Variants in ARID5B observed in about 807,000 individuals in gnomAD.
ARID5B encodes AT-rich interactive domain-containing protein 5B.
A neutral mutation model predicts 97.2 loss-of-function variants in ARID5B; 13 were observed. The ratio of observed to expected loss-of-function variants is 0.13; its 90% CI spans 0.09 to 0.21. The LOEUF is 0.21. ARID5B is among the 10% of genes least tolerant of loss of function. The pLI is 1.00. For missense variants in ARID5B, 1,210 were observed against 1,465.3 expected (o/e 0.83, Z 2.84); for synonymous variants, 556 against 570.3 (o/e 0.97, Z 0.36).
chr10:61,940,519 C>T lies in ARID5B; in HGVS notation c.502+111C>T, dbSNP rs867881600. The T allele has an allele frequency of 5.0e-5, 48 of 953,414 alleles. No homozygotes were observed. The Middle Eastern group carries it at 1.1e-3, about 22-fold the overall frequency. 59.1% of individuals were successfully genotyped at this position (953,414 alleles called of 1,614,324 possible). A position where few individuals can be genotyped will look rare whatever the true frequency, so the allele number is the denominator to read the frequency against. ...TTATATATAAATGTATTTCAAATTT[C>T]TTTAACCTCAAAGGGTCCTAAGAAT... On this transcript the variant is annotated intron_variant, in intron 3 of 9. Coordinates refer to ENST00000279873, the MANE Select transcript of ARID5B (RefSeq NM_032199.3).
At chr10:61,909,318 G>GTTTTTTGT (rs1843760092) in intron 2 of ARID5B, among the ~76,000 whole-genome samples, 1 of 77,260 alleles carries the variant, frequency 1.3e-5, no homozygotes, top group African/African-American at 5.2e-5. Context: ...TATTCAGTGA[G>GTTTTTTGT]TTTTTTTTTT....
chr10:62,027,999 TG>T (rs1839444149), intron 4 of ARID5B, among the ~76,000 whole-genome samples: 1 of 152,186 alleles, frequency 6.6e-6, no homozygotes, highest in African/African-American at 2.4e-5. Flanking sequence ...GCCTTGTCCC[TG>T]GTGTGCATCT....
At chr10:61,990,463 A>T (rs1485741444) in intron 3 of ARID5B, among the ~76,000 whole-genome samples, 1 of 152,236 alleles carries the variant, frequency 6.6e-6, no homozygotes, top group Non-Finnish European at 1.5e-5. Context: ...AGGAAGTGTC[A>T]TTGGTTCAGA....
At chr10:61,990,911 A>G (rs935589879) in intron 3 of ARID5B, among the ~76,000 whole-genome samples, 1 of 152,032 alleles carries the variant, frequency 6.6e-6, no homozygotes, top group Non-Finnish European at 1.5e-5. Context: ...ATAGCTCTCC[A>G]TTCCTTCCAA....
At chr10:61,906,270 A>G (rs746787223) in intron 2 of ARID5B, among the ~76,000 whole-genome samples, 1 of 152,202 alleles carries the variant, frequency 6.6e-6, no homozygotes, top group Non-Finnish European at 1.5e-5. Flanking sequence ...TAAAAATGAT[A>G]CCATCTTAAA....
intron 4 of ARID5B, among the ~76,000 whole-genome samples, chr10:62,047,738 C>T (rs932676267): frequency 9.9e-5 from 15 of 152,200 alleles, no homozygotes; most frequent in African/African-American, 3.6e-4. Flanking sequence ...CACCATAATG[C>T]ACCTGTTTTC....
intron 8 of ARID5B, among the ~76,000 whole-genome samples, chr10:62,076,452 G>T (rs1475074312): frequency 6.6e-6 from 1 of 150,562 alleles, no homozygotes; most frequent in Non-Finnish European, 1.5e-5. Context: ...TGAGGCACGA[G>T]AATCACGGGA....
chr10:61,926,605 T>G (rs1160591936), intron 2 of ARID5B, among the ~76,000 whole-genome samples: 1 of 151,802 alleles, frequency 6.6e-6, no homozygotes, highest in African/African-American at 2.4e-5. Context: ...ATTGTTATAT[T>G]TTATTTATTT....
At chr10:61,906,672 G>C (rs1843712999) in intron 2 of ARID5B, among the ~76,000 whole-genome samples, 3 of 152,160 alleles carry the variant, frequency 2.0e-5, no homozygotes, top group Admixed American at 2.0e-4. Flanking sequence ...AAGTGATTCA[G>C]TTATCACCAG....
intron 3 of ARID5B, among the ~76,000 whole-genome samples, chr10:61,962,044 C>T (rs534514830): frequency 2.6e-5 from 4 of 152,326 alleles, no homozygotes; most frequent in East Asian, 1.9e-4. Context: ...CCATCGCACC[C>T]GGCCTTCTCG....
intron 4 of ARID5B, among the ~76,000 whole-genome samples, chr10:62,032,271 A>G (rs1167141276): frequency 1.3e-5 from 2 of 152,144 alleles, no homozygotes; most frequent in Non-Finnish European, 2.9e-5. Context: ...GTAAGTTTTG[A>G]TCACACCACT....
At chr10:62,066,001 A>G (rs969223825) in intron 7 of ARID5B, among the ~76,000 whole-genome samples, 1 of 152,128 alleles carries the variant, frequency 6.6e-6, no homozygotes, top group Non-Finnish European at 1.5e-5. Context: ...GATTAGATCA[A>G]ATTTTCCAGC....
chr10:62,043,389 AT>A (rs1839666101), intron 4 of ARID5B, among the ~76,000 whole-genome samples: 1 of 152,214 alleles, frequency 6.6e-6, no homozygotes, highest in African/African-American at 2.4e-5. Context: ...CTTCTAGAAC[AT>A]TTTTATATTA....
chr10:62,003,108 T>C (rs983633658), intron 4 of ARID5B, among the ~76,000 whole-genome samples: 2 of 152,230 alleles, frequency 1.3e-5, no homozygotes, highest in Non-Finnish European at 1.5e-5. Context: ...TTTTATTAAC[T>C]AATATACTTT....
At chr10:61,957,832 T>C (rs538169767) in intron 3 of ARID5B, among the ~76,000 whole-genome samples, 37 of 152,216 alleles carry the variant, frequency 2.4e-4, no homozygotes, top group Non-Finnish European at 5.0e-4. Flanking sequence ...ACAGTGCTGA[T>C]CTAGAGAGAT....
chr10:62,057,465 C>A, intron 6 of ARID5B, 147 bp downstream of exon 6: 2 of 875,416 alleles, frequency 2.3e-6, no homozygotes, highest in Non-Finnish European at 3.4e-6. Flanking sequence ...TGTTCCAGGC[C>A]AAGAATTTTT....
intron 4 of ARID5B, among the ~76,000 whole-genome samples, chr10:62,011,201 A>C (rs1839213731): frequency 6.6e-6 from 1 of 152,188 alleles, no homozygotes; most frequent in Non-Finnish European, 1.5e-5. Context: ...GGTCCCAGGC[A>C]TGAATATTAT....
chr10:61,926,830 T>C (rs1424576329), intron 2 of ARID5B, among the ~76,000 whole-genome samples: 1 of 152,112 alleles, frequency 6.6e-6, no homozygotes, highest in Non-Finnish European at 1.5e-5. Flanking sequence ...TTCATCGTGT[T>C]GGCCAGGATG....
At chr10:61,942,740 C>T (rs1283174478) in intron 3 of ARID5B, among the ~76,000 whole-genome samples, 1 of 152,058 alleles carries the variant, frequency 6.6e-6, no homozygotes, top group Non-Finnish European at 1.5e-5. Context: ...TGCAGTGAGC[C>T]GAAATCATCA....
Sources: allele counts gnomAD v4.1 joint callset (sites outside exome capture counted in the v4.1 genomes callset), GRCh38; gene constraint gnomAD v4.1.1; transcripts MANE v1.5; gene names NCBI Gene and HGNC (gene_info 2026-07-23, HGNC 2026-07-21).